Variants in COP1 observed in about 807,000 individuals in gnomAD.
COP1 encodes the protein E3 ubiquitin-protein ligase COP1.
Under a neutral mutation model 101.3 loss-of-function variants are expected in COP1, and 24 were observed. The observed-to-expected ratio is 0.24, with a 90% CI of 0.17 to 0.33. COP1 has a LOEUF of 0.33. Among genes scored for constraint, COP1 ranks in the 10% least tolerant of loss-of-function variants. COP1 has a pLI of 1.00. For synonymous variants in COP1, 347 were observed against 341.9 expected, an observed-to-expected ratio of 1.01 and a Z score of -0.17; for missense variants, 663 against 906.2, an observed-to-expected ratio of 0.73 and a Z score of 3.45.
intron 2 of COP1, among the ~76,000 whole-genome samples, chr1:176,177,394 C>T (rs1697115867): frequency 6.7e-6 from 1 of 149,714 alleles, no homozygotes; most frequent in East Asian, 1.9e-4. Flanking sequence ...ATACATACTG[C>T]TGAATAAAAA....
At chr1:176,070,132 TA>T (rs1676704144) in intron 11 of COP1, among the ~76,000 whole-genome samples, 1 of 152,198 alleles carries the variant, frequency 6.6e-6, no homozygotes, top group Admixed American at 6.5e-5. Context: ...CCCATCTCTG[TA>T]AATGATACCC....
intron 2 of COP1, among the ~76,000 whole-genome samples, chr1:176,180,933 C>T (rs775935626): frequency 1.3e-5 from 2 of 152,122 alleles, no homozygotes; most frequent in Non-Finnish European, 2.9e-5. Context: ...TGCTGAAGGA[C>T]CCCATTAATT....
At chr1:176,001,719 T>C (rs561795044) in intron 15 of COP1, among the ~76,000 whole-genome samples, 2 of 152,240 alleles carry the variant, frequency 1.3e-5, no homozygotes, top group East Asian at 3.9e-4. Flanking sequence ...TGGACTTACA[T>C]TACAGTCTAG....
chr1:176,108,338 T>A (rs1684689051), intron 9 of COP1, among the ~76,000 whole-genome samples: 1 of 152,224 alleles, frequency 6.6e-6, no homozygotes, highest in Non-Finnish European at 1.5e-5. Context: ...GTAGCACTAT[T>A]TCTGTAACTA....
At chr1:176,186,051 T>TAA (rs1401779875) in intron 1 of COP1, among the ~76,000 whole-genome samples, 1 of 151,916 alleles carries the variant, frequency 6.6e-6, no homozygotes, top group African/African-American at 2.4e-5. Flanking sequence ...GATAAATACA[T>TAA]AATAATAAGA....
chr1:175,948,030 T>G (rs1649406583), intron 18 of COP1, among the ~76,000 whole-genome samples: 1 of 152,220 alleles, frequency 6.6e-6, no homozygotes. Flanking sequence ...AATGTGAATA[T>G]TCATTTGGGA....
chr1:176,101,405 G>GA (rs544642891), intron 9 of COP1, among the ~76,000 whole-genome samples: 1,529 of 150,158 alleles, frequency 0.01, 19 homozygotes, highest in African/African-American at 0.034. Context: ...GACTCCTTTG[G>GA]AAAAAAAAAG....
chr1:176,005,159 T>A (rs1261811180), intron 15 of COP1, among the ~76,000 whole-genome samples: 1 of 152,200 alleles, frequency 6.6e-6, no homozygotes, highest in Non-Finnish European at 1.5e-5. Flanking sequence ...TGTAGTATTC[T>A]CTGATGGTAG....
At chr1:176,172,730 A>G (rs598855) in intron 3 of COP1, among the ~76,000 whole-genome samples, 140,457 of 152,246 alleles carry the variant, frequency 0.92, 65,577 homozygotes, top group East Asian at 1. Flanking sequence ...TAACTTAGAA[A>G]ACATTTTTTA....
At chr1:176,083,545 C>T (rs1679576548) in intron 10 of COP1, among the ~76,000 whole-genome samples, 1 of 152,142 alleles carries the variant, frequency 6.6e-6, no homozygotes, top group Non-Finnish European at 1.5e-5. Context: ...GGTATATCAC[C>T]TCTCCTATCC....
chr1:176,193,638 A>C (rs1333793403), intron 1 of COP1, among the ~76,000 whole-genome samples: 1 of 152,188 alleles, frequency 6.6e-6, no homozygotes, highest in Non-Finnish European at 1.5e-5. Flanking sequence ...AAAAGAATGA[A>C]GTGCTGATAC....
intron 5 of COP1, among the ~76,000 whole-genome samples, chr1:176,156,626 T>C (rs1693493511): frequency 6.6e-6 from 1 of 152,070 alleles, no homozygotes; most frequent in South Asian, 2.1e-4. Flanking sequence ...AAACATTAAC[T>C]ATAAGTAAGA....
At chr1:176,028,020 C>A (rs566514268) in intron 14 of COP1, among the ~76,000 whole-genome samples, 6 of 151,936 alleles carry the variant, frequency 3.9e-5, no homozygotes, top group African/African-American at 9.7e-5. Flanking sequence ...GGCAAGAGAG[C>A]GTGTGCAGGG....
At chr1:176,178,724 G>A (rs1187047288) in intron 2 of COP1, among the ~76,000 whole-genome samples, 1 of 151,878 alleles carries the variant, frequency 6.6e-6, no homozygotes, top group African/African-American at 2.4e-5. Context: ...ATGGTGGCAG[G>A]CACCTGTAAT....
At chr1:176,028,943 AG>A (rs1339558096) in intron 14 of COP1, among the ~76,000 whole-genome samples, 1 of 151,154 alleles carries the variant, frequency 6.6e-6, no homozygotes, top group African/African-American at 2.4e-5. Flanking sequence ...TTGTAAAGAC[AG>A]GGTTTCATCA....
intron 18 of COP1, among the ~76,000 whole-genome samples, chr1:175,976,957 A>G (rs1315629920): frequency 2.6e-5 from 4 of 152,240 alleles, no homozygotes; most frequent in Non-Finnish European, 4.4e-5. Context: ...GTTGTGAGAA[A>G]TAAAAAACAC....
At chr1:176,184,511 GA>G (rs933665661) in intron 2 of COP1, 121 bp downstream of exon 2, 33 of 728,308 alleles carry the variant, frequency 4.5e-5, no homozygotes, top group Middle Eastern at 5.5e-4. Context: ...GACATGTCAA[GA>G]AAAAAAATAT....
intron 8 of COP1, among the ~76,000 whole-genome samples, chr1:176,128,959 A>G (rs1360510271): frequency 6.6e-6 from 1 of 151,908 alleles, no homozygotes; most frequent in Admixed American, 6.6e-5. Context: ...TCTACTATAT[A>G]AAGAGTCATC....
chr1:176,007,364 C>A (rs964444256), intron 15 of COP1, among the ~76,000 whole-genome samples: 4 of 152,228 alleles, frequency 2.6e-5, no homozygotes, highest in African/African-American at 7.2e-5. Flanking sequence ...ATTCTCCATC[C>A]AGCTTTGTTC....
Sources: gnomAD v4.1 joint callset for allele counts (sites outside exome capture counted in the v4.1 genomes callset) on GRCh38, gnomAD v4.1.1 for gene constraint, MANE v1.5 for transcripts, NCBI Gene and HGNC (gene_info 2026-07-23, HGNC 2026-07-21) for gene names.